MON2: variants seen among roughly 807,000 people sequenced by gnomAD.
MON2 encodes the protein protein MON2 homolog.
A neutral mutation model predicts 208.6 loss-of-function variants in MON2; 84 were observed. That is an observed-to-expected ratio of 0.40 (90% CI 0.34 to 0.48). MON2 has a LOEUF of 0.48. Ranked by LOEUF, MON2 falls within the 20% of genes least tolerant of loss-of-function variation. The pLI is 0.59. For synonymous variants in MON2, 660 were observed against 694.0 expected (o/e 0.95, Z 0.77); for missense variants, 1,611 against 2,015.4 (o/e 0.80, Z 3.84).
At chr12:62,576,211 G>C (rs931364408) in intron 30 of MON2, among the ~76,000 whole-genome samples, 1 of 151,990 alleles carries the variant, frequency 6.6e-6, no homozygotes, top group Non-Finnish European at 1.5e-5. Context: ...GAAGAAACTA[G>C]ACACAAAAGG....
Position 62,495,509 on chromosome 12 carries a change from T to C in MON2, c.435+362T>C, listed in dbSNP as rs555879387. Among the ~76,000 whole-genome samples the C allele has an allele frequency of 2.6e-5, 4 of 151,892 alleles. No individual in the cohort carries two copies. The East Asian group carries it at 7.7e-4, about 29-fold the overall frequency. On this transcript the variant is annotated intron_variant, in intron 4 of 34. Transcript: ENST00000393630. Reference sequence around the variant, plus strand: ...ATCAAGACCATCCTGGCTAATATGGTGAAACCCCGTCTCTACTAAAAATAC... The same window carrying C: ...ATCAAGACCATCCTGGCTAATATGGCGAAACCCCGTCTCTACTAAAAATAC...
Position 62,585,521 on chromosome 12 carries a change from A to G in MON2, c.4907+20A>G, listed in dbSNP as rs770975587. On this transcript the variant is annotated intron_variant, in intron 33 of 34. Coordinates refer to ENST00000393630, the MANE Select transcript of MON2 (RefSeq NM_015026.3). ...TCCAAGGTATATATTTCATTTTATT[A>G]AAGAAATAAATGTATTGTTGTACTA... 1 of 1,515,330 alleles carries G rather than the reference A, an allele frequency of 6.6e-7. No homozygotes were observed. Among genetic ancestry groups the G allele is most frequent in the Non-Finnish European group, 9.0e-7 (1 of 1,113,464 alleles). 93.9% of individuals were successfully genotyped at this position (1,515,330 alleles called of 1,614,324 possible). A position where few individuals can be genotyped will look rare whatever the true frequency, so the allele number is the denominator to read the frequency against.
rs1346415569 is a variant in MON2, at chr12:62,544,895, C to T, written c.2467-3C>T. The T allele has an allele frequency of 6.2e-7, 1 of 1,602,370 alleles. No homozygotes were observed. Among genetic ancestry groups the T allele is most frequent in the Non-Finnish European group, 8.5e-7 (1 of 1,173,720 alleles). ...AATTAAACTTAATTTTATATACCTT[C>T]AGGTCTGCCAGCATCCAAACTCTCG... is the stretch of plus-strand genomic sequence containing the variant. On this transcript the variant is annotated splice_polypyrimidine_tract_variant and splice_region_variant and intron_variant, in intron 20 of 34. Transcript: ENST00000393630.
chr12:62,490,852 T>C (rs10747967), intron 2 of MON2, among the ~76,000 whole-genome samples: 102,936 of 151,900 alleles, frequency 0.68, 35,183 homozygotes, highest in African/African-American at 0.78. Flanking sequence ...TCTATTACTA[T>C]CGTAAGTTTA....
rs1169295861 is a variant in MON2, at chr12:62,594,342, TGTA to T, written c.*1597_*1599del. The stretch of plus-strand genomic sequence containing the variant: ...TATTTAATTTGCATTATCTGTAAAA[TGTA>T]GTAAGGTCTTTGAGGGGATATTTTT... On this transcript the variant is annotated 3_prime_UTR_variant, in exon 35 of 35. Transcript: ENST00000393630. 6 of 152,200 alleles carry T rather than the reference TGTA, an allele frequency of 3.9e-5. No homozygotes were observed. The highest frequency in any genetic ancestry group is 1.4e-4 in the African/African-American group (6 of 41,462). The allele number at this position is 152,200 out of a possible 1,614,324, so 9.4% of individuals were successfully genotyped here. A position where few individuals can be genotyped will look rare whatever the true frequency, so the allele number is the denominator to read the frequency against.
chr12:62,556,607 G>A (rs999398387), intron 25 of MON2, among the ~76,000 whole-genome samples: 4 of 152,136 alleles, frequency 2.6e-5, no homozygotes, highest in Non-Finnish European at 5.9e-5. Context: ...AGTGTGGAGA[G>A]CCTTATAGTC....
chr12:62,508,316 A>G lies in MON2; in HGVS notation c.820A>G (p.Arg274Gly). The change falls in exon 8 of 35, where the codon AGG becomes GGG. Residue 274 changes from arginine to glycine, a missense_variant. Physicochemically the swap from Arg to Gly is moderately radical, Grantham distance 125. Coordinates refer to ENST00000393630, the MANE Select transcript of MON2 (RefSeq NM_015026.3). ...HQEFSFLLKERVCPLVIKLFS... is the reference protein window; with the variant it reads ...HQEFSFLLKEGVCPLVIKLFS... ...AGAATTTAGTTTCCTCCTCAAAGAA[A>G]GGGTATGTCCTCTTGTGATAAAGCT... 1 of 1,612,946 alleles carries G rather than the reference A, an allele frequency of 6.2e-7. No individual in the cohort carries two copies. The highest frequency in any genetic ancestry group is 8.5e-7 in the Non-Finnish European group (1 of 1,179,596).
chr12:62,495,689 C>CAAAA (rs56155110), intron 4 of MON2, among the ~76,000 whole-genome samples: 1 of 108,518 alleles, frequency 9.2e-6, no homozygotes, highest in Non-Finnish European at 1.9e-5. Context: ...GACTCCGTCT[C>CAAAA]AAAAAAAAAA....
At chr12:62,468,558 A>G (rs2068624635) in intron 1 of MON2, among the ~76,000 whole-genome samples, 1 of 152,232 alleles carries the variant, frequency 6.6e-6, no homozygotes, top group South Asian at 2.1e-4. Flanking sequence ...TCAGTTTTCA[A>G]CAAACTCCAT....
intron 1 of MON2, among the ~76,000 whole-genome samples, chr12:62,469,112 C>T (rs1460593219): frequency 2.6e-5 from 3 of 116,246 alleles, no homozygotes; most frequent in Non-Finnish European, 5.1e-5. Context: ...GCTAATTTTT[C>T]GCCTTTTTTT....
At chr12:62,510,196 A>C (rs1384635779) in intron 8 of MON2, among the ~76,000 whole-genome samples, 1 of 152,234 alleles carries the variant, frequency 6.6e-6, no homozygotes, top group Admixed American at 6.5e-5. Flanking sequence ...GTGCAAGAAC[A>C]GATGACTTCA....
rs759114946 is a variant in MON2 at position 62,537,689 on chromosome 12, G to A, written c.2101G>A (p.Val701Ile). The A allele has an allele frequency of 6.2e-7, 1 of 1,612,458 alleles. No homozygotes were observed. The part of the protein sequence containing the change: ...GAVLGTSWQL[V>I]LATLQHLVWI... ...TGTTCTTGGAACATCATGGCAACTT[G>A]TCTTGGCAACTCTTCAGGTATGTAA... The change falls in exon 16 of 35, where the codon GTC (valine) becomes ATC (isoleucine). Residue 701 changes from valine to isoleucine, a missense_variant. Physicochemically the swap from Val to Ile is conservative, Grantham distance 29. Coordinates refer to ENST00000393630, the MANE Select transcript of MON2 (RefSeq NM_015026.3).
chr12:62,534,545 A>ATATATATATATATATTT (rs2072853118), intron 12 of MON2, among the ~76,000 whole-genome samples: 1 of 28,080 alleles, frequency 3.6e-5, no homozygotes, highest in African/African-American at 1.5e-4. Flanking sequence ...AAAAAAAAAT[A>ATATATATATATATATTT]TATATATATA....
At chr12:62,546,678 A>G (rs886223580) in intron 21 of MON2, among the ~76,000 whole-genome samples, 4 of 152,146 alleles carry the variant, frequency 2.6e-5, no homozygotes, top group Non-Finnish European at 5.9e-5. Context: ...CACTTGAACC[A>G]AGGAGACGGA....
intron 8 of MON2, among the ~76,000 whole-genome samples, chr12:62,516,391 A>G (rs1490945765): frequency 1.3e-5 from 2 of 152,130 alleles, no homozygotes; most frequent in Non-Finnish European, 2.9e-5. Flanking sequence ...TGATTAGTCA[A>G]CAATAATGTA....
At chr12:62,563,769 A>G (rs1235290404) in intron 26 of MON2, among the ~76,000 whole-genome samples, 4 of 152,120 alleles carry the variant, frequency 2.6e-5, no homozygotes, top group Non-Finnish European at 1.5e-5. Context: ...TTAAGTCATT[A>G]ATTTGTGTTA....
At chr12:62,533,594 A>G (rs765089359) in intron 12 of MON2, among the ~76,000 whole-genome samples, 3 of 152,188 alleles carry the variant, frequency 2.0e-5, no homozygotes, top group Non-Finnish European at 4.4e-5. Flanking sequence ...TTCTCTGAGC[A>G]CTTCCTATTT....
intron 4 of MON2, among the ~76,000 whole-genome samples, chr12:62,498,604 T>C (rs2070668708): frequency 6.6e-6 from 1 of 152,192 alleles, no homozygotes; most frequent in Non-Finnish European, 1.5e-5. Context: ...GATCATTAAG[T>C]GATACAACAA....
intron 20 of MON2, among the ~76,000 whole-genome samples, chr12:62,544,450 A>AAAT (rs1565668093): frequency 6.6e-6 from 1 of 152,118 alleles, no homozygotes; most frequent in Non-Finnish European, 1.5e-5. Context: ...TGTGTCTCAA[A>AAAT]AATAATAATA....
Sources: allele counts gnomAD v4.1 joint callset (sites outside exome capture counted in the v4.1 genomes callset), GRCh38; gene constraint gnomAD v4.1.1; transcripts MANE v1.5; gene names NCBI Gene and HGNC (gene_info 2026-07-23, HGNC 2026-07-21).